The following ULK4 variants were observed in gnomAD, a reference collection of about 807,000 sequenced individuals.
ULK4 encodes inactive serine/threonine-protein kinase ULK4.
In ULK4, 133 loss-of-function variants were observed where a neutral mutation model predicts 160.6. The observed-to-expected ratio is 0.83, with a 90% confidence interval of 0.72 to 0.96. ULK4 has a LOEUF of 0.96. ULK4 is among the 40% of genes least tolerant of loss of function. The pLI is 0.00. For synonymous variants in ULK4, 534 were observed against 539.8 expected (o/e 0.99, Z 0.15); for missense variants, 1,580 against 1,499.5 (o/e 1.05, Z -0.89).
chr3:41,912,256 G>A (rs2148804179), intron 9 of ULK4, among the ~76,000 whole-genome samples: 3 of 150,524 alleles, frequency 2.0e-5, no homozygotes, highest in Middle Eastern at 3.4e-3. Context: ...TGAGCCCAGG[G>A]AGGTCAAGGC....
intron 3 of ULK4, 95 bp downstream of exon 3, chr3:41,938,003 G>T: frequency 1.1e-6 from 1 of 894,058 alleles, no homozygotes. Flanking sequence ...AGATTTTCAA[G>T]TTAACATAGT....
chr3:41,875,001 C>G (rs1025239105), intron 17 of ULK4, among the ~76,000 whole-genome samples: 4 of 151,920 alleles, frequency 2.6e-5, no homozygotes, highest in Non-Finnish European at 5.9e-5. Context: ...ATATGAGACA[C>G]CATCTCTACT....
At chr3:41,255,102 A>T (rs1248676135) in intron 35 of ULK4, among the ~76,000 whole-genome samples, 2 of 150,536 alleles carry the variant, frequency 1.3e-5, no homozygotes, top group Non-Finnish European at 2.9e-5. Context: ...ATATAATTAT[A>T]TACATCTGTA....
chr3:41,382,445 T>C (rs2081678735), intron 35 of ULK4, among the ~76,000 whole-genome samples: 1 of 152,226 alleles, frequency 6.6e-6, no homozygotes, highest in African/African-American at 2.4e-5. Flanking sequence ...CTTTGATAAA[T>C]GTTAGTTTCA....
intron 32 of ULK4, among the ~76,000 whole-genome samples, chr3:41,556,298 T>C (rs553308658): frequency 1.2e-4 from 19 of 152,192 alleles, no homozygotes; most frequent in African/African-American, 3.1e-4. Flanking sequence ...GAAAACAGAA[T>C]TGAAAGTGTG....
At chr3:41,635,156 T>C (rs957112945) in intron 30 of ULK4, among the ~76,000 whole-genome samples, 2 of 152,200 alleles carry the variant, frequency 1.3e-5, no homozygotes, top group African/African-American at 4.8e-5. Flanking sequence ...TGAGTAACTT[T>C]AGTATCCCCA....
chr3:41,466,552 T>C (rs1308285584), intron 32 of ULK4, among the ~76,000 whole-genome samples: 2 of 152,064 alleles, frequency 1.3e-5, no homozygotes, highest in African/African-American at 4.8e-5. Flanking sequence ...CATGCTAAAA[T>C]TAAAAAGGTT....
intron 23 of ULK4, among the ~76,000 whole-genome samples, chr3:41,716,676 A>G (rs1017390507): frequency 1.3e-5 from 2 of 152,244 alleles, no homozygotes; most frequent in Non-Finnish European, 2.9e-5. Flanking sequence ...AGCTTGGATC[A>G]AATTTAACAT....
chr3:41,804,062 C>T (rs139635297), intron 19 of ULK4, among the ~76,000 whole-genome samples: 43,954 of 151,138 alleles, frequency 0.29, 8,868 homozygotes, highest in African/African-American at 0.58. Flanking sequence ...AATTGCCACA[C>T]TGACTTCCAC....
chr3:41,665,260 A>T (rs2035316550), intron 29 of ULK4, among the ~76,000 whole-genome samples: 1 of 152,214 alleles, frequency 6.6e-6, no homozygotes. Flanking sequence ...AACCATTAAA[A>T]AGGAGCTAAG....
chr3:41,429,284 G>A (rs966775686), intron 34 of ULK4, among the ~76,000 whole-genome samples: 4 of 152,144 alleles, frequency 2.6e-5, no homozygotes, highest in Non-Finnish European at 5.9e-5. Context: ...AAAGAGGAAC[G>A]CTTTACACTG....
intron 27 of ULK4, among the ~76,000 whole-genome samples, chr3:41,697,063 A>G (rs2036527015): frequency 6.6e-6 from 1 of 152,332 alleles, no homozygotes; most frequent in East Asian, 1.9e-4. Flanking sequence ...GACTCTCCAG[A>G]ACTGTAAGAT....
chr3:41,385,306 A>G (rs904593560), intron 35 of ULK4, among the ~76,000 whole-genome samples: 2 of 152,156 alleles, frequency 1.3e-5, no homozygotes, highest in African/African-American at 4.8e-5. Flanking sequence ...TAAAACTATC[A>G]TCAATGGCAA....
At chr3:41,298,631 C>T (rs1243222364) in intron 35 of ULK4, among the ~76,000 whole-genome samples, 1 of 152,182 alleles carries the variant, frequency 6.6e-6, no homozygotes, top group Non-Finnish European at 1.5e-5. Flanking sequence ...CCACACTCTC[C>T]AAACTGTGTA....
intron 32 of ULK4, among the ~76,000 whole-genome samples, chr3:41,565,400 C>T (rs1575422746): frequency 6.6e-6 from 1 of 152,126 alleles, no homozygotes; most frequent in Admixed American, 6.5e-5. Context: ...CTCATGCTGC[C>T]CCTTAATTCC....
chr3:41,865,225 C>T (rs1030409104), intron 17 of ULK4, among the ~76,000 whole-genome samples: 1 of 132,016 alleles, frequency 7.6e-6, no homozygotes, highest in Admixed American at 9.2e-5. Context: ...GTGAACCGAT[C>T]ACGCCACTGC....
At chr3:41,936,387 T>C (rs1268366299) in intron 3 of ULK4, among the ~76,000 whole-genome samples, 2 of 152,176 alleles carry the variant, frequency 1.3e-5, no homozygotes, top group East Asian at 1.9e-4. Flanking sequence ...GCACGCGCCA[T>C]TGATGAAATA....
At chr3:41,261,510 T>C (rs1368968528) in intron 35 of ULK4, among the ~76,000 whole-genome samples, 2 of 152,160 alleles carry the variant, frequency 1.3e-5, no homozygotes, top group Non-Finnish European at 2.9e-5. Flanking sequence ...GGCAAAGTTG[T>C]TGGCTGATTG....
chr3:41,555,055 A>G (rs1017964573), intron 32 of ULK4, among the ~76,000 whole-genome samples: 2 of 152,178 alleles, frequency 1.3e-5, no homozygotes, highest in Admixed American at 1.3e-4. Context: ...GTTAAGCATC[A>G]TACTCAATGA....
Sources: gnomAD v4.1 joint callset for allele counts (sites outside exome capture counted in the v4.1 genomes callset) on GRCh38, gnomAD v4.1.1 for gene constraint, MANE v1.5 for transcripts, NCBI Gene and HGNC (gene_info 2026-07-23, HGNC 2026-07-21) for gene names.